The following TTC7B variants were observed in gnomAD, a reference collection of about 807,000 sequenced individuals.
The protein encoded by TTC7B is tetratricopeptide repeat domain 7B, also known as tetratricopeptide repeat protein 7B.
Under a neutral mutation model 106.8 loss-of-function variants are expected in TTC7B, and 28 were observed. That is an observed-to-expected ratio of 0.26 (90% CI 0.19 to 0.36). The LOEUF is 0.36. Among genes scored for constraint, TTC7B ranks in the 10% least tolerant of loss-of-function variants. The probability of loss-of-function intolerance (pLI) is 1.00; values close to 1 mark genes in which losing one functional copy is unlikely to be tolerated. For missense variants in TTC7B, 862 were observed against 1,076.4 expected (o/e 0.80, Z 2.79); for synonymous variants, 405 against 430.6 (o/e 0.94, Z 0.74).
chr14:90,549,637 C>T (rs1889991445), intron 19 of TTC7B, among the ~76,000 whole-genome samples: 1 of 152,128 alleles, frequency 6.6e-6, no homozygotes, highest in Admixed American at 6.5e-5. Context: ...GCACGTTGCT[C>T]TCTGGGACAG....
chr14:90,626,055 T>C (rs971579963), intron 15 of TTC7B, among the ~76,000 whole-genome samples: 10 of 152,186 alleles, frequency 6.6e-5, no homozygotes, highest in African/African-American at 2.4e-4. Flanking sequence ...TGAGTCAGAA[T>C]CTGCATGTAA....
At chr14:90,586,571 T>C (rs1286475) in intron 18 of TTC7B, among the ~76,000 whole-genome samples, 22,452 of 152,198 alleles carry the variant, frequency 0.15, 1,774 homozygotes, top group East Asian at 0.22. Flanking sequence ...CACCCGGCTG[T>C]TCCCCAAGCT....
intron 18 of TTC7B, among the ~76,000 whole-genome samples, chr14:90,583,497 G>A (rs895873296): frequency 6.6e-6 from 1 of 152,238 alleles, no homozygotes; most frequent in Non-Finnish European, 1.5e-5. Context: ...AAAGGGCCTT[G>A]TAAGCTTATT....
At chr14:90,620,130 C>T (rs1046744123) in intron 15 of TTC7B, among the ~76,000 whole-genome samples, 2 of 152,046 alleles carry the variant, frequency 1.3e-5, no homozygotes, top group African/African-American at 2.4e-5. Context: ...AGTGGGGCCA[C>T]GGCTGCAGCC....
intron 6 of TTC7B, among the ~76,000 whole-genome samples, chr14:90,691,558 A>C (rs926661054): frequency 6.6e-6 from 1 of 152,240 alleles, no homozygotes; most frequent in Non-Finnish European, 1.5e-5. Flanking sequence ...GTTTAAATGC[A>C]TCCAATTGTT....
intron 5 of TTC7B, chr14:90,697,347 C>T (rs1011722256): frequency 4.8e-5 from 7 of 146,944 alleles, no homozygotes; most frequent in Non-Finnish European, 1.0e-4. Flanking sequence ...GAATCTGGTC[C>T]GTTATGACAC....
chr14:90,677,853 G>C (rs1409374451), intron 8 of TTC7B: 9 of 455,340 alleles, frequency 2.0e-5, no homozygotes, highest in Non-Finnish European at 4.0e-5. Context: ...AAATGTCAAA[G>C]ACAAATAAGA....
At chr14:90,667,857 G>A (rs1249981830) in intron 9 of TTC7B, among the ~76,000 whole-genome samples, 3 of 152,148 alleles carry the variant, frequency 2.0e-5, no homozygotes, top group Non-Finnish European at 4.4e-5. Context: ...TCCCACCTGT[G>A]AAAAGAGGCA....
At position 90,526,962 on chromosome 14, in the gene TTC7B, A is replaced by G. The variant is rs1193871307; in HGVS notation, c.*14406T>C. On this transcript the variant is annotated 3_prime_UTR_variant, in exon 20 of 20. Transcript: ENST00000328459. ...ACCCCGTACCACCTAATATTTAGCTATGTCTTCATGGGCTTCTCTGGTTTT... is the reference window on the plus strand; with the variant it reads ...ACCCCGTACCACCTAATATTTAGCTGTGTCTTCATGGGCTTCTCTGGTTTT... 1 of 152,030 alleles carries G rather than the reference A, an allele frequency of 6.6e-6. No individual in the cohort carries two copies. Among genetic ancestry groups the G allele is most frequent in the African/African-American group, 2.4e-5 (1 of 41,378 alleles). 9.4% of individuals were successfully genotyped at this position (152,030 alleles called of 1,614,324 possible). A position where few individuals can be genotyped will look rare whatever the true frequency, so the allele number is the denominator to read the frequency against.
At chr14:90,659,292 G>C (rs12435472) in intron 9 of TTC7B, among the ~76,000 whole-genome samples, 19,211 of 137,112 alleles carry the variant, frequency 0.14, 1,450 homozygotes, top group Middle Eastern at 0.22. Context: ...GAGAAGGGGA[G>C]GTGTTTTTTT....
intron 3 of TTC7B, among the ~76,000 whole-genome samples, chr14:90,750,945 G>C (rs7149722): frequency 0.67 from 101,201 of 152,146 alleles, 34,449 homozygotes; most frequent in African/African-American, 0.8. Context: ...ATTTTCGAGT[G>C]TCCAGGATCA....
At chr14:90,734,452 C>T (rs940699500) in intron 4 of TTC7B, among the ~76,000 whole-genome samples, 85 of 150,210 alleles carry the variant, frequency 5.7e-4, no homozygotes, top group African/African-American at 1.9e-3. Flanking sequence ...GAGGAAACAA[C>T]GACAAAAATC....
At chr14:90,659,778 G>A (rs1383209560) in intron 9 of TTC7B, among the ~76,000 whole-genome samples, 1 of 152,062 alleles carries the variant, frequency 6.6e-6, no homozygotes, top group Non-Finnish European at 1.5e-5. Context: ...AAGGAAGGAT[G>A]TGTGGGGTGA....
At chr14:90,645,220 T>A (rs551145624) in intron 14 of TTC7B, 1 of 152,412 alleles carries the variant, frequency 6.6e-6, no homozygotes, top group Non-Finnish European at 1.5e-5. Flanking sequence ...TAGAAGGCTA[T>A]GACTTCTCTT....
At chr14:90,620,062 C>T (rs1205116100) in intron 15 of TTC7B, among the ~76,000 whole-genome samples, 11 of 152,076 alleles carry the variant, frequency 7.2e-5, no homozygotes, top group Admixed American at 4.6e-4. Context: ...TCACACCAAG[C>T]GCCCCCAGCG....
At chr14:90,590,798 G>A (rs1288819547) in intron 18 of TTC7B, among the ~76,000 whole-genome samples, 3 of 152,298 alleles carry the variant, frequency 2.0e-5, no homozygotes, top group Admixed American at 6.5e-5. Flanking sequence ...TGAAACAGTC[G>A]ATATGGCACA....
At chr14:90,726,605 C>T (rs969955155) in intron 5 of TTC7B, among the ~76,000 whole-genome samples, 3 of 152,138 alleles carry the variant, frequency 2.0e-5, no homozygotes, top group African/African-American at 7.2e-5. Context: ...TTTATTTGCT[C>T]CTCACTACTG....
At chr14:90,777,047 C>T (rs1891054227) in intron 3 of TTC7B, among the ~76,000 whole-genome samples, 1 of 152,054 alleles carries the variant, frequency 6.6e-6, no homozygotes, top group Admixed American at 6.6e-5. Flanking sequence ...ACCAGCCTGG[C>T]CAACATGGTG....
At chr14:90,767,028 CAAA>C (rs71301958) in intron 3 of TTC7B, 3,274 of 516,840 alleles carry the variant, frequency 6.3e-3, no homozygotes, top group South Asian at 9.4e-3. Flanking sequence ...GTTTATATAC[CAAA>C]AAAAAAAAAA....
Sources: allele counts gnomAD v4.1 joint callset (sites outside exome capture counted in the v4.1 genomes callset), GRCh38; gene constraint gnomAD v4.1.1; transcripts MANE v1.5; gene names NCBI Gene and HGNC (gene_info 2026-07-23, HGNC 2026-07-21).